The following DCLK1 variants were observed in gnomAD, a reference collection of about 807,000 sequenced individuals.
DCLK1 encodes serine/threonine-protein kinase DCLK1.
DCLK1 carries 16 observed loss-of-function variants against 86.2 expected under a neutral mutation model. The ratio of observed to expected loss-of-function variants is 0.19; its 90% CI spans 0.13 to 0.28. The LOEUF (loss-of-function observed/expected upper bound fraction) is 0.28, where lower values mean the gene tolerates loss of function less well. Among genes scored for constraint, DCLK1 ranks in the 10% least tolerant of loss-of-function variants. The pLI is 1.00. For missense variants in DCLK1, 590 were observed against 940.2 expected (o/e 0.63, Z 4.87); for synonymous variants, 369 against 370.5 (o/e 1.00, Z 0.05).
intron 3 of DCLK1, among the ~76,000 whole-genome samples, chr13:35,950,737 G>A (rs1215310401): frequency 6.6e-6 from 1 of 152,100 alleles, no homozygotes; most frequent in Non-Finnish European, 1.5e-5. Flanking sequence ...AAAGAGAGAT[G>A]TCCAACCTGT....
At chr13:36,080,437 T>C (rs950577050) in intron 3 of DCLK1, among the ~76,000 whole-genome samples, 13 of 152,166 alleles carry the variant, frequency 8.5e-5, no homozygotes, top group Admixed American at 8.5e-4. Context: ...TTATCTTACA[T>C]AGGTCAAGGA....
At chr13:36,015,358 G>C (rs146560123) in intron 3 of DCLK1, among the ~76,000 whole-genome samples, 2 of 152,234 alleles carry the variant, frequency 1.3e-5, no homozygotes, top group African/African-American at 4.8e-5. Context: ...CTGTTTTGCA[G>C]TAAAACCTGG....
chr13:35,882,516 A>G (rs190324472), intron 4 of DCLK1, among the ~76,000 whole-genome samples: 4 of 152,306 alleles, frequency 2.6e-5, no homozygotes, highest in Non-Finnish European at 1.5e-5. Context: ...CACTGCTTAG[A>G]ACCCTTCTAG....
intron 16 of DCLK1, among the ~76,000 whole-genome samples, chr13:35,779,992 A>C (rs946140710): frequency 3.9e-5 from 6 of 152,140 alleles, no homozygotes; most frequent in Non-Finnish European, 7.4e-5. Flanking sequence ...CCTGAAAAAA[A>C]AAAAAGCATT....
At chr13:35,970,138 G>A (rs994837260) in intron 3 of DCLK1, among the ~76,000 whole-genome samples, 3 of 152,034 alleles carry the variant, frequency 2.0e-5, no homozygotes, top group Non-Finnish European at 4.4e-5. Context: ...TTAAGGGACC[G>A]AGACCCTCAC....
chr13:36,103,585 C>T (rs1304175506), intron 3 of DCLK1, among the ~76,000 whole-genome samples: 1 of 151,964 alleles, frequency 6.6e-6, no homozygotes, highest in Non-Finnish European at 1.5e-5. Context: ...AATAAATCTC[C>T]CATCTGTCCT....
At chr13:36,084,007 T>A (rs1884509358) in intron 3 of DCLK1, among the ~76,000 whole-genome samples, 2 of 152,222 alleles carry the variant, frequency 1.3e-5, no homozygotes, top group South Asian at 4.1e-4. Flanking sequence ...ATTGATACTT[T>A]CCTTTCTCAA....
intron 3 of DCLK1, among the ~76,000 whole-genome samples, chr13:36,060,883 G>A (rs778120956): frequency 9.2e-5 from 14 of 152,088 alleles, no homozygotes; most frequent in Non-Finnish European, 1.8e-4. Context: ...CCAGAATGCC[G>A]TGTCTGCAGG....
At chr13:36,045,715 G>A (rs1055439190) in intron 3 of DCLK1, among the ~76,000 whole-genome samples, 1 of 151,906 alleles carries the variant, frequency 6.6e-6, no homozygotes, top group African/African-American at 2.4e-5. Context: ...AGCCAGGTGT[G>A]GTGGTGAACG....
chr13:35,957,610 C>G (rs1195063475), intron 3 of DCLK1, among the ~76,000 whole-genome samples: 1 of 152,130 alleles, frequency 6.6e-6, no homozygotes, highest in Non-Finnish European at 1.5e-5. Context: ...AGATAAATCA[C>G]TTTGCCTGGT....
At chr13:35,992,156 C>A (rs1268288765) in intron 3 of DCLK1, among the ~76,000 whole-genome samples, 1 of 152,122 alleles carries the variant, frequency 6.6e-6, no homozygotes, top group Non-Finnish European at 1.5e-5. Flanking sequence ...CCTTCTAGTT[C>A]GCACTTCTTC....
intron 3 of DCLK1, among the ~76,000 whole-genome samples, chr13:36,041,170 A>C (rs756100114): frequency 1.8e-4 from 27 of 152,278 alleles, no homozygotes; most frequent in South Asian, 4.1e-4. Flanking sequence ...ATATATACGT[A>C]CTGAAAAATA....
chr13:35,997,366 G>C (rs1011773934), intron 3 of DCLK1, among the ~76,000 whole-genome samples: 1 of 152,148 alleles, frequency 6.6e-6, no homozygotes, highest in Non-Finnish European at 1.5e-5. Context: ...CATTTTAAGG[G>C]GAAAATCATC....
At chr13:36,060,946 G>A (rs576225503) in intron 3 of DCLK1, among the ~76,000 whole-genome samples, 1 of 152,316 alleles carries the variant, frequency 6.6e-6, no homozygotes, top group South Asian at 2.1e-4. Context: ...TGTGATGAAT[G>A]CAACACCTGG....
chr13:36,033,099 G>A (rs998519707), intron 3 of DCLK1, among the ~76,000 whole-genome samples: 2 of 152,148 alleles, frequency 1.3e-5, no homozygotes, highest in Admixed American at 1.3e-4. Flanking sequence ...ACAGTAGCTG[G>A]AGATTTCTTT....
chr13:35,901,590 C>A (rs1207967965), intron 4 of DCLK1, among the ~76,000 whole-genome samples: 1 of 150,104 alleles, frequency 6.7e-6, no homozygotes, highest in Non-Finnish European at 1.5e-5. Context: ...GAAGACAGAG[C>A]CAGAGGTTTG....
intron 3 of DCLK1, among the ~76,000 whole-genome samples, chr13:35,991,519 A>G (rs1435867963): frequency 6.6e-6 from 1 of 151,958 alleles, no homozygotes; most frequent in Non-Finnish European, 1.5e-5. Context: ...AAAATTAGCC[A>G]GGTGTGGTGG....
intron 6 of DCLK1, among the ~76,000 whole-genome samples, chr13:35,840,683 T>C (rs1869729822): frequency 1.3e-5 from 2 of 152,196 alleles, no homozygotes; most frequent in Admixed American, 1.3e-4. Context: ...CAGCACACAT[T>C]TGTCATATGT....
intron 3 of DCLK1, among the ~76,000 whole-genome samples, chr13:36,021,246 A>T (rs868372742): frequency 1.6e-3 from 124 of 77,504 alleles, no homozygotes; most frequent in Middle Eastern, 0.014. Context: ...AAAATAATAA[A>T]AAAAAAAAGT....
Sources: allele counts gnomAD v4.1 joint callset (sites outside exome capture counted in the v4.1 genomes callset), GRCh38; gene constraint gnomAD v4.1.1; transcripts MANE v1.5; gene names NCBI Gene and HGNC (gene_info 2026-07-23, HGNC 2026-07-21).